SULT1E1: variants seen among roughly 807,000 people sequenced by gnomAD.
SULT1E1 encodes the protein sulfotransferase family 1E member 1, also known as sulfotransferase 1E1.
In SULT1E1, 36 loss-of-function variants were observed where a neutral mutation model predicts 33.6. The observed-to-expected ratio is 1.07, with a 90% CI of 0.82 to 1.41. SULT1E1 has a LOEUF of 1.41. Ranked by LOEUF, SULT1E1 falls within the 40% of genes most tolerant of loss-of-function variation. The pLI is 0.00. For missense variants in SULT1E1, 371 were observed against 345.7 expected, an observed-to-expected ratio of 1.07 and a Z score of -0.58; for synonymous variants, 121 against 111.7, an observed-to-expected ratio of 1.08 and a Z score of -0.53.
chr4:69,825,059 A>G, the SULT1E1 span, among the ~76,000 whole-genome samples: 4 of 152,092 alleles, frequency 2.6e-5, no homozygotes, highest in African/African-American at 9.7e-5. Context: ...GGAGGAACAA[A>G]CAACTCCAGA....
At chr4:69,846,216 T>A (rs1041532176) in intron 6 of SULT1E1, among the ~76,000 whole-genome samples, 1 of 148,682 alleles carries the variant, frequency 6.7e-6, no homozygotes, top group Non-Finnish European at 1.5e-5. Flanking sequence ...ACTACTTAAC[T>A]TATGAAATAG....
chr4:69,855,054 C>T (rs1721207803), intron 3 of SULT1E1, among the ~76,000 whole-genome samples: 2 of 151,938 alleles, frequency 1.3e-5, no homozygotes, highest in Non-Finnish European at 2.9e-5. Context: ...TAAATGTTTA[C>T]ATATTACTAA....
intron 7 of SULT1E1, 122 bp from the exon 8 acceptor site, chr4:69,842,228 G>C: frequency 1.6e-6 from 1 of 614,962 alleles, no homozygotes; most frequent in Non-Finnish European, 2.8e-6. Flanking sequence ...TCAATTTTAA[G>C]AATCAAATGT....
the SULT1E1 span, among the ~76,000 whole-genome samples, chr4:69,827,083 T>A: frequency 0.026 from 3,915 of 152,204 alleles, 174 homozygotes; most frequent in African/African-American, 0.088. Flanking sequence ...CCTTCTCCTA[T>A]TCTGATTTAA....
intron 2 of SULT1E1, 42 bp downstream of exon 2, chr4:69,857,458 T>C (rs1195284628): frequency 1.9e-6 from 3 of 1,571,486 alleles, no homozygotes; most frequent in Non-Finnish European, 2.6e-6. Flanking sequence ...TTACAGTGTG[T>C]TTGTTATTTT....
intron 6 of SULT1E1, among the ~76,000 whole-genome samples, chr4:69,845,605 T>A (rs967305717): frequency 6.6e-6 from 1 of 151,296 alleles, no homozygotes; most frequent in African/African-American, 2.4e-5. Context: ...ATAGTGATAA[T>A]GTCTTGATTT....
At chr4:69,845,365 T>C (rs1020142858) in intron 6 of SULT1E1, among the ~76,000 whole-genome samples, 11 of 151,746 alleles carry the variant, frequency 7.2e-5, no homozygotes, top group African/African-American at 2.7e-4. Flanking sequence ...ATGTGATTAT[T>C]ACGCATGGTG....
intron 6 of SULT1E1, 113 bp downstream of exon 6, chr4:69,847,585 T>G: frequency 1.7e-6 from 1 of 602,212 alleles, no homozygotes; most frequent in Non-Finnish European, 2.7e-6. Flanking sequence ...CTTTTAAAAA[T>G]TTACGAGATG....
Position 69,841,271 on chromosome 4 carries a change from C to T in SULT1E1, c.*723G>A, listed in dbSNP as rs1385152525. ...CTAACAAGATGAATAATCTGTGTTA[C>T]TACATCATTCCCATAGGTTATAGTT... On this transcript the variant is annotated 3_prime_UTR_variant, in exon 8 of 8. Transcript: ENST00000226444. 1 of 151,934 alleles carries T rather than the reference C, an allele frequency of 6.6e-6. No individual in the cohort carries two copies. Among genetic ancestry groups the T allele is most frequent in the Admixed American group, 6.6e-5 (1 of 15,256 alleles). 9.4% of individuals were successfully genotyped at this position (151,934 alleles called of 1,614,324 possible).
chr4:69,857,562 T>A lies in SULT1E1; in HGVS notation c.83A>T (p.Asp28Val). The A allele has an allele frequency of 6.2e-7, 1 of 1,613,468 alleles. No individual in the cohort carries two copies. The highest frequency in any genetic ancestry group is 8.5e-7 in the Non-Finnish European group (1 of 1,179,784). ...LMYKDFVKYW[D>V]NVEAFQARPD... ...TCTTGCCTGGAACGCTTCCACATTA[T>A]CCCAATATTTGACAAAATCTTTATA... is the stretch of plus-strand genomic sequence containing the variant. The change falls in exon 2 of 8, where the codon GAT becomes GTT. Residue 28 changes from aspartate (D) to valine (V), a missense_variant. By Grantham distance (152) the Asp-to-Val change is radical. Coordinates refer to ENST00000226444, the MANE Select transcript of SULT1E1 (RefSeq NM_005420.3).
At chr4:69,829,741 A>G in the SULT1E1 span, among the ~76,000 whole-genome samples, 408 of 152,306 alleles carry the variant, frequency 2.7e-3, 3 homozygotes, top group African/African-American at 9.2e-3. Flanking sequence ...GACCGATAGA[A>G]AGGCCTTCTT....
chr4:69,823,275 C>T, the SULT1E1 span, among the ~76,000 whole-genome samples: 1 of 152,166 alleles, frequency 6.6e-6, no homozygotes, highest in Admixed American at 6.5e-5. Context: ...CCTCACCATG[C>T]AGCCCAGATG....
chr4:69,857,689 C>A, intron 1 of SULT1E1, 36 bp from the exon 2 acceptor site: 1 of 1,532,442 alleles, frequency 6.5e-7, no homozygotes, highest in Non-Finnish European at 8.7e-7. Context: ...TTTGTATGTA[C>A]TTAACAATAT....
chr4:69,859,833 A>T (rs142115656), intron 1 of SULT1E1, among the ~76,000 whole-genome samples: 69 of 152,236 alleles, frequency 4.5e-4, no homozygotes, highest in African/African-American at 1.3e-3. Context: ...TTAAAGCAAT[A>T]AGCAACAAAA....
At chr4:69,829,299 T>C in the SULT1E1 span, among the ~76,000 whole-genome samples, 1 of 152,106 alleles carries the variant, frequency 6.6e-6, no homozygotes, top group Non-Finnish European at 1.5e-5. Flanking sequence ...GATTCTATGC[T>C]TATGAAGTCG....
chr4:69,845,192 A>AATAGAGCTAG (rs1431642329), intron 6 of SULT1E1, among the ~76,000 whole-genome samples: 3 of 152,018 alleles, frequency 2.0e-5, no homozygotes, highest in African/African-American at 4.8e-5. Context: ...TAAGTACAAA[A>AATAGAGCTAG]ATAGAGCTAG....
chr4:69,852,545 G>T (rs1241857656), intron 4 of SULT1E1, among the ~76,000 whole-genome samples: 1 of 151,984 alleles, frequency 6.6e-6, no homozygotes, highest in African/African-American at 2.4e-5. Context: ...GCTCAAATCC[G>T]TTGGCCTCAG....
chr4:69,824,808 T>C, the SULT1E1 span, among the ~76,000 whole-genome samples: 2 of 152,084 alleles, frequency 1.3e-5, no homozygotes, highest in Non-Finnish European at 2.9e-5. Flanking sequence ...AATGAACCAA[T>C]GAACAGGACG....
At chr4:69,841,009 G>A (rs1010264281), downstream of SULT1E1, among the ~76,000 whole-genome samples, 5 of 151,952 alleles carry the variant, frequency 3.3e-5, no homozygotes, top group East Asian at 1.9e-4. Flanking sequence ...CAGAGATCAC[G>A]CCACTGCACT....
Sources: gnomAD v4.1 joint callset for allele counts (sites outside exome capture counted in the v4.1 genomes callset) on GRCh38, gnomAD v4.1.1 for gene constraint, MANE v1.5 for transcripts, NCBI Gene and HGNC (gene_info 2026-07-23, HGNC 2026-07-21) for gene names.